Variants in CCDC149 observed in about 807,000 individuals in gnomAD.
CCDC149 encodes the protein coiled-coil domain containing 149, also known as coiled-coil domain-containing protein 149.
Under a neutral mutation model 59.9 loss-of-function variants are expected in CCDC149, and 45 were observed. The ratio of observed to expected loss-of-function variants is 0.75; its 90% CI spans 0.59 to 0.96. The LOEUF (loss-of-function observed/expected upper bound fraction) is 0.96. CCDC149 is among the 40% of genes least tolerant of loss of function. CCDC149 has a pLI of 0.00. For synonymous variants in CCDC149, 245 were observed against 260.6 expected, an observed-to-expected ratio of 0.94 and a Z score of 0.58; for missense variants, 584 against 664.7, an observed-to-expected ratio of 0.88 and a Z score of 1.33.
intron 3 of CCDC149, among the ~76,000 whole-genome samples, chr4:24,868,204 C>G (rs1457531119): frequency 1.3e-5 from 2 of 152,132 alleles, no homozygotes; most frequent in Admixed American, 6.6e-5. Context: ...TCCATACTTG[C>G]CCATGTAAAC....
At chr4:24,945,063 A>C (rs1723067070) in intron 1 of CCDC149, among the ~76,000 whole-genome samples, 1 of 152,210 alleles carries the variant, frequency 6.6e-6, no homozygotes, top group African/African-American at 2.4e-5. Flanking sequence ...CTCATGCTTT[A>C]GAGGGTTCCA....
At chr4:24,832,345 CA>C (rs1466314684) in intron 8 of CCDC149, among the ~76,000 whole-genome samples, 1 of 152,066 alleles carries the variant, frequency 6.6e-6, no homozygotes, top group African/African-American at 2.4e-5. Context: ...AAAGATAGGG[CA>C]AAAAGGTATA....
At chr4:24,917,351 G>A (rs574876342), upstream of CCDC149, among the ~76,000 whole-genome samples, 21 of 152,340 alleles carry the variant, frequency 1.4e-4, no homozygotes, top group East Asian at 3.5e-3. Flanking sequence ...GAACTGCCGC[G>A]CTCACAGTGG....
chr4:24,903,800 CT>C (rs11344947), intron 1 of CCDC149, among the ~76,000 whole-genome samples: 70,070 of 124,304 alleles, frequency 0.56, 16,420 homozygotes, highest in Middle Eastern at 0.61. Context: ...TAATTTTTAG[CT>C]TTTTTTTTTT....
At chr4:24,964,642 G>GA (rs1474607551) in intron 1 of CCDC149, among the ~76,000 whole-genome samples, 1 of 152,094 alleles carries the variant, frequency 6.6e-6, no homozygotes, top group African/African-American at 2.4e-5. Context: ...AGAGAATAGT[G>GA]AAAGTGGAAT....
upstream of CCDC149, among the ~76,000 whole-genome samples, chr4:24,915,441 G>A (rs528994764): frequency 5.9e-5 from 9 of 152,224 alleles, no homozygotes; most frequent in Middle Eastern, 6.8e-3. Context: ...CTCCTTTGGC[G>A]CCCTCACTGG....
At chr4:24,930,512 C>G (rs961883071) in intron 1 of CCDC149, among the ~76,000 whole-genome samples, 2 of 152,164 alleles carry the variant, frequency 1.3e-5, no homozygotes, top group African/African-American at 4.8e-5. Context: ...ACAAAAACTA[C>G]GATTCTTGGT....
intron 7 of CCDC149, among the ~76,000 whole-genome samples, chr4:24,836,063 A>G (rs1304088571): frequency 6.6e-6 from 1 of 152,218 alleles, no homozygotes; most frequent in Non-Finnish European, 1.5e-5. Flanking sequence ...ATTACGACAG[A>G]AATAGCATCT....
chr4:24,919,355 G>T (rs1485347926), intron 1 of CCDC149, among the ~76,000 whole-genome samples: 1 of 152,092 alleles, frequency 6.6e-6, no homozygotes, highest in Non-Finnish European at 1.5e-5. Flanking sequence ...CCACAGAATT[G>T]GACTCTAGCT....
chr4:24,889,940 G>C (rs1720431183), intron 1 of CCDC149, among the ~76,000 whole-genome samples: 1 of 152,182 alleles, frequency 6.6e-6, no homozygotes. Context: ...GGGAGGCAAA[G>C]GGGACCTGTA....
intron 2 of CCDC149, among the ~76,000 whole-genome samples, chr4:24,874,259 TGTTTTG>T (rs778894440): frequency 0.071 from 6,082 of 85,518 alleles, 516 homozygotes; most frequent in South Asian, 0.1. Context: ...TTTTTTTTTT[TGTTTTG>T]TTTTTTTTTG....
At position 24,838,144 on chromosome 4, in the gene CCDC149, G is replaced by A. The variant is rs764958583; in HGVS notation, c.489+12C>T. 52 of 1,591,436 alleles carry A rather than the reference G, an allele frequency of 3.3e-5. No homozygotes were observed. The highest frequency in any genetic ancestry group is 1.8e-4 in the Admixed American group (11 of 59,978). ...AATGCATCCCCCACTCTGAATAGAT[G>A]TTAGTGAGAACCTGTTCCTTAGCTC... On this transcript the variant is annotated intron_variant, in intron 5 of 12. Transcript: ENST00000635206.
At chr4:24,820,492 C>T (rs1363203757) in intron 11 of CCDC149, among the ~76,000 whole-genome samples, 3 of 151,840 alleles carry the variant, frequency 2.0e-5, no homozygotes, top group Non-Finnish European at 4.4e-5. Context: ...TGATTTGACT[C>T]CTACTTTGGG....
At chr4:24,966,972 A>T (rs1415783808) in intron 1 of CCDC149, among the ~76,000 whole-genome samples, 1 of 152,198 alleles carries the variant, frequency 6.6e-6, no homozygotes, top group Non-Finnish European at 1.5e-5. Flanking sequence ...AGCCTCATTT[A>T]TGGGAACCCA....
At position 24,850,121 on chromosome 4, in the gene CCDC149, CT is replaced by C. The variant is rs558818996; in HGVS notation, c.372+2950del. 1.8e-3 allele frequency among the ~76,000 whole-genome samples: 281 copies of C among 152,326 alleles called. 4 individuals are homozygous for C. Among genetic ancestry groups the C allele is most frequent in the South Asian group, 0.01 (49 of 4,826 alleles). ...CAGATGGTAGTTGGTCTGTTTATTT[CT>C]TGCATACTTTTTTTTTCTTTTTCTC... On this transcript the variant is annotated intron_variant, in intron 4 of 12. Transcript: ENST00000635206.
chr4:24,947,533 C>G (rs1242086731), intron 1 of CCDC149, among the ~76,000 whole-genome samples: 1 of 152,102 alleles, frequency 6.6e-6, no homozygotes, highest in Non-Finnish European at 1.5e-5. Context: ...GAGAACTCCT[C>G]CCTCCTAACC....
At chr4:24,857,958 A>T (rs118132971) in intron 3 of CCDC149, among the ~76,000 whole-genome samples, 1 of 152,180 alleles carries the variant, frequency 6.6e-6, no homozygotes, top group Non-Finnish European at 1.5e-5. Context: ...CCAAAACAAT[A>T]ACTTTGAAAA....
intron 12 of CCDC149, among the ~76,000 whole-genome samples, chr4:24,813,494 A>ATCTATATCTATATC (rs1250098770): frequency 4.3e-4 from 3 of 6,950 alleles, no homozygotes; most frequent in African/African-American, 6.5e-4. Context: ...TGGGGAATAT[A>ATCTATATCTATATC]TATATATATA....
chr4:24,910,918 C>T (rs908492985), intron 1 of CCDC149, among the ~76,000 whole-genome samples: 1 of 152,130 alleles, frequency 6.6e-6, no homozygotes, highest in African/African-American at 2.4e-5. Context: ...AAAAAATAGT[C>T]ATTAGTTATT....
Sources: gnomAD v4.1 joint callset for allele counts (sites outside exome capture counted in the v4.1 genomes callset) on GRCh38, gnomAD v4.1.1 for gene constraint, MANE v1.5 for transcripts, NCBI Gene and HGNC (gene_info 2026-07-23, HGNC 2026-07-21) for gene names.